PATL1: variants seen among roughly 807,000 people sequenced by gnomAD.
The protein encoded by PATL1 is PAT1 homolog 1, processing body mRNA decay factor, also known as protein PAT1 homolog 1.
In PATL1, 32 loss-of-function variants were observed where a neutral mutation model predicts 100.6. That is an observed-to-expected ratio of 0.32 (90% CI 0.24 to 0.43). The LOEUF (loss-of-function observed/expected upper bound fraction) is 0.43, where lower values mean the gene tolerates loss of function less well. Ranked by LOEUF, PATL1 falls within the 20% of genes least tolerant of loss-of-function variation. PATL1 has a pLI of 1.00. For synonymous variants in PATL1, 332 were observed against 330.0 expected, an observed-to-expected ratio of 1.01 and a Z score of -0.07; for missense variants, 747 against 949.9, an observed-to-expected ratio of 0.79 and a Z score of 2.81.
chr11:59,651,650 A>C lies in PATL1; in HGVS notation c.1427-9T>G, dbSNP rs1565132886. 6 of 1,542,642 alleles carry C rather than the reference A, an allele frequency of 3.9e-6. No homozygotes were observed. The highest frequency in any genetic ancestry group is 4.4e-6 in the Non-Finnish European group (5 of 1,138,258). Reference sequence around the variant, plus strand: ...AGAGCCCTCAAATTGCACTGCAAAGACAAAAAAAAAAAAAATTCCAACAAA... The same window carrying C: ...AGAGCCCTCAAATTGCACTGCAAAGCCAAAAAAAAAAAAAATTCCAACAAA... On this transcript the variant is annotated splice_polypyrimidine_tract_variant and intron_variant, in intron 11 of 18. Coordinates refer to ENST00000300146, the MANE Select transcript of PATL1 (RefSeq NM_152716.3).
rs148451245 is a variant in PATL1 at position 59,664,792 on chromosome 11, A to C, written c.127+2061T>G. Among the ~76,000 whole-genome samples the C allele has an allele frequency of 1.0e-3, 155 of 151,912 alleles. 2 individuals are homozygous for C. The highest frequency in any genetic ancestry group is 3.6e-3 in the African/African-American group (148 of 41,408). ...ACTATGTTGCCGAGGATGGTCTTGA[A>C]CTCCTGGCCTCAAGTGATCCTCCTG... On this transcript the variant is annotated intron_variant, in intron 2 of 18. Coordinates refer to ENST00000300146, the MANE Select transcript of PATL1 (RefSeq NM_152716.3).
At chr11:59,664,046 C>A (rs1229988090) in intron 2 of PATL1, among the ~76,000 whole-genome samples, 2 of 152,136 alleles carry the variant, frequency 1.3e-5, no homozygotes, top group African/African-American at 4.8e-5. Flanking sequence ...AAAGGGCTCA[C>A]CTTTGGAAAT....
intron 14 of PATL1, among the ~76,000 whole-genome samples, chr11:59,648,882 C>T (rs1486988721): frequency 1.3e-5 from 2 of 152,122 alleles, no homozygotes; most frequent in Admixed American, 6.5e-5. Flanking sequence ...TTCTCTTGAA[C>T]GGGTAAAAAG....
intron 5 of PATL1, 83 bp from the exon 6 acceptor site, chr11:59,656,683 AG>A: frequency 8.3e-7 from 1 of 1,201,922 alleles, no homozygotes; most frequent in Non-Finnish European, 1.2e-6. Context: ...AAGTACTGGT[AG>A]AGACACGAAC....
chr11:59,640,496 GA>G (rs1267176389), intron 16 of PATL1, among the ~76,000 whole-genome samples: 1 of 148,140 alleles, frequency 6.8e-6, no homozygotes, highest in East Asian at 2.0e-4. Context: ...AAGGCGGGTG[GA>G]TCAAGAGGTC....
intron 11 of PATL1, among the ~76,000 whole-genome samples, 194 bp from the exon 12 acceptor site, chr11:59,651,835 G>A (rs1459426859): frequency 6.6e-6 from 1 of 151,304 alleles, no homozygotes; most frequent in Non-Finnish European, 1.5e-5. Flanking sequence ...GAGGCCGAGG[G>A]GGGTAGATCA....
chr11:59,660,111 A>G (rs1207042078), intron 2 of PATL1, among the ~76,000 whole-genome samples: 2 of 152,236 alleles, frequency 1.3e-5, no homozygotes, highest in Non-Finnish European at 2.9e-5. Flanking sequence ...TTGAGATTCT[A>G]TGACATTTCA....
At chr11:59,642,755 A>T in intron 16 of PATL1, 125 bp downstream of exon 16, 1 of 1,019,394 alleles carries the variant, frequency 9.8e-7, no homozygotes, top group Non-Finnish European at 1.4e-6. Flanking sequence ...CTAGGAGCTT[A>T]ATGTAACTCT....
At chr11:59,665,175 T>A (rs1337952729) in intron 2 of PATL1, among the ~76,000 whole-genome samples, 2 of 152,232 alleles carry the variant, frequency 1.3e-5, no homozygotes, top group African/African-American at 4.8e-5. Context: ...ACTGACAATA[T>A]TAAAACACCT....
At chr11:59,667,772 C>T (rs1861711697) in intron 1 of PATL1, among the ~76,000 whole-genome samples, 2 of 152,260 alleles carry the variant, frequency 1.3e-5, no homozygotes, top group Non-Finnish European at 1.5e-5. Flanking sequence ...GAGGCCACCA[C>T]ATCCTAGGTG....
intron 12 of PATL1, 31 bp downstream of exon 12, chr11:59,651,513 T>C: frequency 6.5e-7 from 1 of 1,536,908 alleles, no homozygotes; most frequent in Non-Finnish European, 9.0e-7. Flanking sequence ...AAATCAGACG[T>C]TCTTAAACAG....
chr11:59,643,427 T>C lies in PATL1; in HGVS notation c.1894-392A>G, dbSNP rs550337441. 1.6e-4 allele frequency among the ~76,000 whole-genome samples: 24 copies of C among 152,108 alleles called. 1 individual carries two copies. The East Asian group carries it at 3.7e-3, about 23-fold the overall frequency. Reference sequence around the variant, plus strand: ...GTATAGCGGAGAAGATATGGGTTAATTGGCCATTTCAATATACTGTGAGAA... The same window carrying C: ...GTATAGCGGAGAAGATATGGGTTAACTGGCCATTTCAATATACTGTGAGAA... On this transcript the variant is annotated intron_variant, in intron 15 of 18. Transcript: ENST00000300146.
intron 1 of PATL1, among the ~76,000 whole-genome samples, chr11:59,667,548 C>T (rs543226442): frequency 1.1e-4 from 17 of 152,340 alleles, no homozygotes; most frequent in African/African-American, 4.1e-4. Context: ...AGTTCAAGTT[C>T]TGGCTCCATT....
rs1206125495 is a variant in PATL1 at position 59,666,934 on chromosome 11, C to T, written c.46G>A (p.Glu16Lys). 2 of 1,550,222 alleles carry T rather than the reference C, an allele frequency of 1.3e-6. No individual in the cohort carries two copies. The highest frequency in any genetic ancestry group is 1.7e-6 in the Non-Finnish European group (2 of 1,146,390). Residue 16 changes from glutamate (E) to lysine (K), a missense_variant, in exon 2 of 19, where the codon GAA becomes AAA. By Grantham distance (56) the Glu-to-Lys change is moderately conservative (BLOSUM62 1). Coordinates refer to ENST00000300146, the MANE Select transcript of PATL1 (RefSeq NM_152716.3). ...SLEDCPLDEDEDAFQGLGEED... is the reference protein window; with the variant it reads ...SLEDCPLDEDKDAFQGLGEED... ...TCTCCCAGTCCCTGAAATGCATCTTCATCTTCATCCAGAGGACAATCCTCC... is the reference window on the plus strand; with the variant it reads ...TCTCCCAGTCCCTGAAATGCATCTTTATCTTCATCCAGAGGACAATCCTCC...
At chr11:59,647,434 G>C (rs1266854228) in intron 15 of PATL1, among the ~76,000 whole-genome samples, 1 of 152,154 alleles carries the variant, frequency 6.6e-6, no homozygotes, top group Non-Finnish European at 1.5e-5. Context: ...TAATCCTTCT[G>C]TAAATTCTGA....
At chr11:59,653,085 T>A (rs957077025) in intron 9 of PATL1, 67 bp from the exon 10 acceptor site, 24 of 1,325,130 alleles carry the variant, frequency 1.8e-5, no homozygotes, top group Middle Eastern at 2.3e-4. Flanking sequence ...AACAGAGGAA[T>A]AAACCAGGCC....
chr11:59,659,506 T>C (rs564653970), intron 2 of PATL1, 37 bp from the exon 3 acceptor site: 13 of 1,512,466 alleles, frequency 8.6e-6, no homozygotes, highest in African/African-American at 1.4e-5. Context: ...AAATAGTTCA[T>C]AGTGGTACAA....
intron 17 of PATL1, 30 bp from the exon 18 acceptor site, chr11:59,639,227 G>A (rs760029897): frequency 1.9e-6 from 3 of 1,605,934 alleles, no homozygotes; most frequent in Admixed American, 3.4e-5. Context: ...ATAATATCAG[G>A]AGAAAAAAAT....
At chr11:59,655,140 T>C (rs1359250828) in intron 8 of PATL1, among the ~76,000 whole-genome samples, 2 of 152,234 alleles carry the variant, frequency 1.3e-5, no homozygotes, top group Non-Finnish European at 2.9e-5. Flanking sequence ...TCTTGCTCTC[T>C]TTCCTCTACT....
Sources: gnomAD v4.1 joint callset for allele counts (sites outside exome capture counted in the v4.1 genomes callset) on GRCh38, gnomAD v4.1.1 for gene constraint, MANE v1.5 for transcripts, NCBI Gene and HGNC (gene_info 2026-07-23, HGNC 2026-07-21) for gene names.